PBX1: variants seen among roughly 807,000 people sequenced by gnomAD.
The protein encoded by PBX1 is PBX homeobox 1, also known as pre-B-cell leukemia transcription factor 1.
In PBX1, 6 loss-of-function variants were observed where a neutral mutation model predicts 53.4. The ratio of observed to expected loss-of-function variants is 0.11; its 90% confidence interval spans 0.06 to 0.22. PBX1 has a LOEUF of 0.22. Among genes scored for constraint, PBX1 ranks in the 10% least tolerant of loss-of-function variants. The pLI, the probability that PBX1 is intolerant of heterozygous loss-of-function variation, is 1.00. For synonymous variants in PBX1, 204 were observed against 212.3 expected, an observed-to-expected ratio of 0.96 and a Z score of 0.34; for missense variants, 251 against 551.4, an observed-to-expected ratio of 0.46 and a Z score of 5.46.
intron 2 of PBX1, among the ~76,000 whole-genome samples, chr1:164,653,067 A>G (rs555492856): frequency 2.6e-5 from 4 of 151,976 alleles, no homozygotes; most frequent in African/African-American, 9.6e-5. Flanking sequence ...GAGTTTTGCC[A>G]TGTTGGCCAG....
intron 2 of PBX1, among the ~76,000 whole-genome samples, chr1:164,659,311 G>C (rs1660349598): frequency 6.6e-6 from 1 of 152,170 alleles, no homozygotes; most frequent in African/African-American, 2.4e-5. Context: ...GAGGGAAAAG[G>C]GGGTAAATCA....
intron 2 of PBX1, among the ~76,000 whole-genome samples, chr1:164,676,501 G>T (rs2635028): frequency 0.83 from 126,107 of 152,130 alleles, 52,441 homozygotes; most frequent in Non-Finnish European, 0.86. Flanking sequence ...AAGCAAGATG[G>T]TTGCTAAGGA....
At chr1:164,574,690 A>C (rs1023838403) in intron 2 of PBX1, among the ~76,000 whole-genome samples, 18 of 152,240 alleles carry the variant, frequency 1.2e-4, no homozygotes, top group Non-Finnish European at 2.6e-4. Context: ...GGAATTAAAA[A>C]AATTTTTATT....
At chr1:164,606,736 T>A (rs1028409092) in intron 2 of PBX1, among the ~76,000 whole-genome samples, 1 of 152,128 alleles carries the variant, frequency 6.6e-6, no homozygotes, top group Non-Finnish European at 1.5e-5. Flanking sequence ...CATGGTAGAG[T>A]CTTCATATTT....
intron 6 of PBX1, chr1:164,813,410 T>G (rs1669717579): frequency 6.6e-6 from 1 of 152,240 alleles, no homozygotes; most frequent in Admixed American, 6.5e-5. Flanking sequence ...GAGGAGCATA[T>G]TTACTTTTTT....
At position 164,849,269 on chromosome 1, in the gene PBX1, G is replaced by A; in HGVS notation, c.*2593G>A. Reference sequence around the variant, plus strand: ...ACAGGCAGTTTCTCTCCGGGCCGTAGTTTTCACTGATGATCACCTTTCACA... The same window carrying A: ...ACAGGCAGTTTCTCTCCGGGCCGTAATTTTCACTGATGATCACCTTTCACA... On this transcript the variant is annotated 3_prime_UTR_variant, in exon 9 of 9. Transcript: ENST00000420696. The A allele has an allele frequency of 2.6e-6, 4 of 1,531,454 alleles. No individual in the cohort carries two copies. In the East Asian group the frequency reaches 9.8e-5, roughly 38 times the overall value. The allele number at this position is 1,531,454 out of a possible 1,614,324, so 94.9% of individuals were successfully genotyped here.
At chr1:164,574,529 T>G (rs549363313) in intron 2 of PBX1, among the ~76,000 whole-genome samples, 1 of 152,154 alleles carries the variant, frequency 6.6e-6, no homozygotes, top group African/African-American at 2.4e-5. Flanking sequence ...AAAAGAAAAT[T>G]CTTTTTCATT....
chr1:164,731,693 C>T (rs777502579), intron 2 of PBX1, among the ~76,000 whole-genome samples: 2 of 152,204 alleles, frequency 1.3e-5, no homozygotes, highest in Non-Finnish European at 2.9e-5. Context: ...TCATCTGCTC[C>T]AGATGTGGTT....
chr1:164,717,667 A>G (rs1243759989), intron 2 of PBX1, among the ~76,000 whole-genome samples: 1 of 152,174 alleles, frequency 6.6e-6, no homozygotes, highest in Non-Finnish European at 1.5e-5. Context: ...CTCATTTCCA[A>G]TGGAGAAATG....
At chr1:164,868,974 A>G (rs1313640098) in intron 2 of PBX1, among the ~76,000 whole-genome samples, 1 of 152,186 alleles carries the variant, frequency 6.6e-6, no homozygotes, top group African/African-American at 2.4e-5. Flanking sequence ...CTGACAGGAG[A>G]GGAGGTTTCT....
chr1:164,592,954 AT>A (rs111642139), intron 2 of PBX1, among the ~76,000 whole-genome samples: 3,159 of 139,600 alleles, frequency 0.023, 30 homozygotes, highest in Middle Eastern at 0.03. Flanking sequence ...CAATCCTTAG[AT>A]TTTTTTTTTT....
chr1:164,675,882 C>G (rs1018929806), intron 2 of PBX1, among the ~76,000 whole-genome samples: 1 of 152,164 alleles, frequency 6.6e-6, no homozygotes, highest in Admixed American at 6.5e-5. Flanking sequence ...TGCCCGTGTT[C>G]TGTGTGGACT....
At chr1:164,581,022 C>T (rs1374631409) in intron 2 of PBX1, among the ~76,000 whole-genome samples, 1 of 152,168 alleles carries the variant, frequency 6.6e-6, no homozygotes, top group Non-Finnish European at 1.5e-5. Flanking sequence ...TAAAGCAGGG[C>T]ACAGGGTCCT....
intron 2 of PBX1, among the ~76,000 whole-genome samples, chr1:164,574,974 TA>T (rs78179062): frequency 0.023 from 3,233 of 142,330 alleles, 54 homozygotes; most frequent in African/African-American, 0.061. Context: ...AGAGTGAGAC[TA>T]AAAAAAAAAA....
chr1:164,630,282 C>A (rs780023660), intron 2 of PBX1, among the ~76,000 whole-genome samples: 57 of 152,070 alleles, frequency 3.7e-4, no homozygotes, highest in Non-Finnish European at 7.1e-4. Flanking sequence ...TTTTTCGTTT[C>A]TATGCTTCCA....
At chr1:164,609,750 A>T (rs1219643715) in intron 2 of PBX1, among the ~76,000 whole-genome samples, 1 of 152,202 alleles carries the variant, frequency 6.6e-6, no homozygotes, top group Non-Finnish European at 1.5e-5. Context: ...TTAGAGGCAG[A>T]GACTATTCTT....
chr1:164,809,457 T>C (rs554770293), intron 5 of PBX1, among the ~76,000 whole-genome samples: 14 of 152,264 alleles, frequency 9.2e-5, no homozygotes, highest in African/African-American at 3.4e-4. Flanking sequence ...GCTAAACAAG[T>C]CCAATGGAAG....
At chr1:164,687,583 A>G (rs976777735) in intron 2 of PBX1, among the ~76,000 whole-genome samples, 36 of 142,720 alleles carry the variant, frequency 2.5e-4, no homozygotes, top group Non-Finnish European at 4.9e-4. Flanking sequence ...AAAAAAAAAA[A>G]GGAAATAGTT....
intron 8 of PBX1, among the ~76,000 whole-genome samples, chr1:164,835,455 G>A (rs1670992115): frequency 6.6e-6 from 1 of 152,028 alleles, no homozygotes; most frequent in Admixed American, 6.6e-5. Context: ...ACAGTTTCTG[G>A]TAGTTTCCAT....
Sources: gnomAD v4.1 joint callset for allele counts (sites outside exome capture counted in the v4.1 genomes callset) on GRCh38, gnomAD v4.1.1 for gene constraint, MANE v1.5 for transcripts, NCBI Gene and HGNC (gene_info 2026-07-23, HGNC 2026-07-21) for gene names.